MAGEC3: variants seen among roughly 807,000 people sequenced by gnomAD.
The protein encoded by MAGEC3 is MAGE family member C3.
In MAGEC3, 34 loss-of-function variants were observed where a neutral mutation model predicts 35.3. The ratio of observed to expected loss-of-function variants is 0.96; its 90% CI spans 0.73 to 1.28. The LOEUF is 1.28. Ranked by LOEUF, MAGEC3 falls within the 50% of genes most tolerant of loss-of-function variation. The pLI is 0.00. For synonymous variants in MAGEC3, 202 were observed against 185.6 expected (o/e 1.09, Z -0.72); for missense variants, 561 against 483.6 (o/e 1.16, Z -1.50).
chrX:141,891,713 A>AAATATATATATTTATATATGCATATATT (rs2018043877), intron 4 of MAGEC3, among the ~76,000 whole-genome samples: 1 of 104,473 alleles, frequency 9.6e-6, no homozygotes, highest in Non-Finnish European at 1.9e-5. Context: ...ATGCATATAT[A>AAATATATATATTTATATATGCATATATT]AATATATATA....
At chrX:141,869,120 G>A (rs113189234) in intron 2 of MAGEC3, among the ~76,000 whole-genome samples, 323 of 109,966 alleles carry the variant, frequency 2.9e-3, no homozygotes, top group African/African-American at 9.0e-3. Flanking sequence ...TCCTGATCTC[G>A]TAATCCACCT....
chrX:141,879,102 G>T, intron 2 of MAGEC3, 73 bp from the exon 3 acceptor site: 2 of 1,104,136 alleles, frequency 1.8e-6, no homozygotes, highest in Non-Finnish European at 2.4e-6. Context: ...TCCAGGCACA[G>T]CCTCTCGGGA....
intron 6 of MAGEC3, chrX:141,896,602 A>G: frequency 8.4e-7 from 1 of 1,192,194 alleles, no homozygotes; most frequent in Non-Finnish European, 1.1e-6. Flanking sequence ...GGATCCCATC[A>G]TCCCCATCCC....
At chrX:141,853,224 A>G (rs1053788441) in intron 1 of MAGEC3, among the ~76,000 whole-genome samples, 1 of 111,611 alleles carries the variant, frequency 9.0e-6, no homozygotes, top group South Asian at 3.7e-4. Flanking sequence ...TTTGAAGGTA[A>G]TAAGTGGCAA....
In MAGEC3 at chrX:141,897,483, AG is replaced by A. The variant is rs774160533; in HGVS notation, c.1728+1del. ...TCATCTGGGAAGTGTTGAGTGCAAT[AG>A]GGGTGTGTGCTGGGAGGGAGCACTT... is the stretch of plus-strand genomic sequence containing the variant. ...EVIWEVLSAI[G>X]PIQRPAREVL... On this transcript the variant is annotated frameshift_variant and splice_region_variant, in exon 7 of 8. Coordinates refer to ENST00000298296, the MANE Select transcript of MAGEC3 (RefSeq NM_138702.1). LOFTEE classifies it low-confidence loss of function (END_TRUNC). The A allele has an allele frequency of 4.2e-5, 51 of 1,203,758 alleles. No individual in the cohort carries two copies. Among genetic ancestry groups the A allele is most frequent in the Non-Finnish European group, 4.9e-5 (44 of 892,351 alleles).
At chrX:141,886,793 G>C (rs1030627527) in intron 4 of MAGEC3, among the ~76,000 whole-genome samples, 15 of 111,435 alleles carry the variant, frequency 1.3e-4, no homozygotes, top group African/African-American at 4.9e-4. Flanking sequence ...ATTATGAAGG[G>C]CTATTATGAA....
chrX:141,847,631 A>C (rs755314143), intron 1 of MAGEC3, among the ~76,000 whole-genome samples: 1 of 111,889 alleles, frequency 8.9e-6, no homozygotes, highest in African/African-American at 3.2e-5. Flanking sequence ...GCTAACAAAT[A>C]AATCGTACAG....
intron 3 of MAGEC3, among the ~76,000 whole-genome samples, chrX:141,880,301 G>A (rs981934671): frequency 2.0e-4 from 22 of 111,255 alleles, no homozygotes; most frequent in African/African-American, 7.3e-4. Flanking sequence ...TCAGGGATGT[G>A]GAGTTTGCCC....
At chrX:141,887,908 G>A (rs778828733) in intron 4 of MAGEC3, among the ~76,000 whole-genome samples, 2 of 112,152 alleles carry the variant, frequency 1.8e-5, no homozygotes, top group East Asian at 5.6e-4. Context: ...CTGTTACTGG[G>A]CTTTCATGGA....
intron 4 of MAGEC3, among the ~76,000 whole-genome samples, chrX:141,887,652 G>C (rs929082855): frequency 3.6e-5 from 4 of 112,177 alleles, no homozygotes; most frequent in Non-Finnish European, 7.5e-5. Context: ...CCAGTTTTGA[G>C]TGAGGTTCAG....
intron 6 of MAGEC3, chrX:141,896,501 A>G: frequency 8.4e-7 from 1 of 1,185,436 alleles, no homozygotes; most frequent in Non-Finnish European, 1.1e-6. Flanking sequence ...TTAAGAGAAG[A>G]AGAGCTGTAA....
At chrX:141,870,604 A>G (rs965985776) in intron 2 of MAGEC3, among the ~76,000 whole-genome samples, 11 of 111,950 alleles carry the variant, frequency 9.8e-5, no homozygotes, top group African/African-American at 3.6e-4. Context: ...GTGTATTTTT[A>G]TGCCTTCTTA....
At chrX:141,872,567 C>T (rs2017895057) in intron 2 of MAGEC3, among the ~76,000 whole-genome samples, 1 of 111,221 alleles carries the variant, frequency 9.0e-6, no homozygotes, top group Non-Finnish European at 1.9e-5. Flanking sequence ...TTCTCAGGTA[C>T]CAGGAGAAAG....
At chrX:141,842,067 G>T (rs763207973) in intron 1 of MAGEC3, among the ~76,000 whole-genome samples, 3 of 111,757 alleles carry the variant, frequency 2.7e-5, no homozygotes, top group African/African-American at 9.7e-5. Context: ...TTGCTTAATA[G>T]TATGAACTGT....
intron 1 of MAGEC3, among the ~76,000 whole-genome samples, chrX:141,843,545 T>C (rs1382962850): frequency 9.0e-6 from 1 of 111,085 alleles, no homozygotes; most frequent in Non-Finnish European, 1.9e-5. Context: ...GAGGGAAAAA[T>C]AAACTTCCTT....
At chrX:141,841,603 G>T (rs974347566) in intron 1 of MAGEC3, among the ~76,000 whole-genome samples, 1 of 111,445 alleles carries the variant, frequency 9.0e-6, no homozygotes, top group African/African-American at 3.3e-5. Context: ...TGAGGGAAGG[G>T]ACTCAGCCTT....
rs1603073380 is a variant in MAGEC3, at chrX:141,881,714, T to C, written c.827T>C (p.Leu276Pro). 2 of 1,211,633 alleles carry C rather than the reference T, an allele frequency of 1.7e-6. No homozygotes were observed. The highest frequency in any genetic ancestry group is 1.1e-6 in the Non-Finnish European group (1 of 895,430). The change falls in exon 4 of 8, where the codon CTG (leucine) becomes CCG (proline). Residue 276 changes from leucine (L) to proline (P), a missense_variant. Transcript: ENST00000298296. Reference sequence around the variant, plus strand: ...CAGGGCATGCCCCAGAACCGCCTCCTGATTCTTATTCTGAGTGTGATCTTC... The same window carrying C: ...CAGGGCATGCCCCAGAACCGCCTCCCGATTCTTATTCTGAGTGTGATCTTC... ...DEQGMPQNRLLILILSVIFIK... is the reference protein window; with the variant it reads ...DEQGMPQNRLPILILSVIFIK...
chrX:141,856,394 G>A lies in MAGEC3; in HGVS notation c.124-9077G>A, dbSNP rs1044790626. ...TTTGCCATATTTGCAAAAAAGGATG[G>A]CCCTTTTCTATACTTTAATTCTGGA... On this transcript the variant is annotated intron_variant, in intron 1 of 7. Transcript: ENST00000298296. 9.9e-5 allele frequency among the ~76,000 whole-genome samples: 11 copies of A among 111,074 alleles called. No homozygotes were observed. The East Asian group carries it at 2.9e-3, about 29-fold the overall frequency.
chrX:141,884,643 A>G (rs889338044), intron 4 of MAGEC3, among the ~76,000 whole-genome samples: 1 of 111,362 alleles, frequency 9.0e-6, no homozygotes, highest in Non-Finnish European at 1.9e-5. Flanking sequence ...CAAAAATGCT[A>G]AGGACTCTAA....
Sources: allele counts gnomAD v4.1 joint callset (sites outside exome capture counted in the v4.1 genomes callset), GRCh38; gene constraint gnomAD v4.1.1; transcripts MANE v1.5; gene names NCBI Gene and HGNC (gene_info 2026-07-23, HGNC 2026-07-21).